Variants in LMX1A observed in about 807,000 individuals in gnomAD.
LMX1A encodes LIM homeobox transcription factor 1-alpha.
Under a neutral mutation model 49.1 loss-of-function variants are expected in LMX1A, and 15 were observed. That is an observed-to-expected ratio of 0.31 (90% CI 0.20 to 0.47). LMX1A has a LOEUF of 0.47. Ranked by LOEUF, LMX1A falls within the 20% of genes least tolerant of loss-of-function variation. The pLI is 1.00. For synonymous variants in LMX1A, 167 were observed against 185.7 expected (o/e 0.90, Z 0.82); for missense variants, 372 against 475.8 (o/e 0.78, Z 2.03).
intron 3 of LMX1A, among the ~76,000 whole-genome samples, chr1:165,329,583 A>C (rs1039056476): frequency 6.6e-6 from 1 of 152,096 alleles, no homozygotes; most frequent in African/African-American, 2.4e-5. Context: ...ATGTAGTTGA[A>C]GGCAGAGGCA....
At chr1:165,341,540 C>G (rs1656075677) in intron 3 of LMX1A, among the ~76,000 whole-genome samples, 1 of 151,772 alleles carries the variant, frequency 6.6e-6, no homozygotes, top group Non-Finnish European at 1.5e-5. Context: ...CAAGAAGTGT[C>G]TTCCTTCATA....
At chr1:165,292,843 G>A (rs1194892199) in intron 3 of LMX1A, among the ~76,000 whole-genome samples, 2 of 152,124 alleles carry the variant, frequency 1.3e-5, no homozygotes, top group Non-Finnish European at 2.9e-5. Context: ...TGGGGTCCAG[G>A]CGCGGTGGCT....
At chr1:165,281,846 C>A (rs189350325) in intron 3 of LMX1A, among the ~76,000 whole-genome samples, 14 of 152,084 alleles carry the variant, frequency 9.2e-5, no homozygotes, top group African/African-American at 3.4e-4. Flanking sequence ...AGTTACCTGT[C>A]GACTGACCAG....
intron 7 of LMX1A, chr1:165,207,561 G>C (rs945702811): frequency 2.0e-5 from 3 of 152,530 alleles, no homozygotes; most frequent in African/African-American, 7.2e-5. Flanking sequence ...TTCTCCACTC[G>C]CCTCCAGGAA....
chr1:165,249,066 G>C (rs959777025), intron 4 of LMX1A, among the ~76,000 whole-genome samples: 5 of 152,188 alleles, frequency 3.3e-5, no homozygotes, highest in African/African-American at 1.2e-4. Context: ...ACAGGCTGGA[G>C]CTAAGCTCAG....
intron 3 of LMX1A, among the ~76,000 whole-genome samples, chr1:165,326,999 A>G (rs1655604854): frequency 6.6e-6 from 1 of 152,168 alleles, no homozygotes; most frequent in Admixed American, 6.5e-5. Flanking sequence ...GTGCTGAGAC[A>G]GAGAAACCCT....
At chr1:165,223,448 G>C (rs1298270528) in intron 4 of LMX1A, among the ~76,000 whole-genome samples, 1 of 152,146 alleles carries the variant, frequency 6.6e-6, no homozygotes, top group Non-Finnish European at 1.5e-5. Context: ...AGGAGGAATG[G>C]ACAAGATCAA....
At position 165,306,172 on chromosome 1, in the gene LMX1A, A is replaced by G. The variant is rs556583438; in HGVS notation, c.263+46904T>C. On this transcript the variant is annotated intron_variant, in intron 3 of 8. Coordinates refer to ENST00000342310, the MANE Select transcript of LMX1A (RefSeq NM_177398.4). The stretch of plus-strand genomic sequence containing the variant: ...CCAACCTTCTTCCTCCCACCTGTTC[A>G]TCTAGTCTCCAGAGCTCAGGTTAAT... Among the ~76,000 whole-genome samples the G allele has an allele frequency of 5.3e-5, 8 of 152,242 alleles. No individual in the cohort carries two copies. In the East Asian group the frequency reaches 1.2e-3, roughly 22 times the overall value.
At chr1:165,280,071 T>C (rs1404912212) in intron 3 of LMX1A, among the ~76,000 whole-genome samples, 1 of 152,046 alleles carries the variant, frequency 6.6e-6, no homozygotes, top group Non-Finnish European at 1.5e-5. Context: ...CCGAGCAGGC[T>C]GAACCATGGC....
chr1:165,355,573 C>T lies in LMX1A; in HGVS notation c.-14G>A. ...GCCGTCCAGCATGTTCGGGCCGGGC[C>T]GGGAGGACCTGTAGAGGAGAAGAAA... is the stretch of plus-strand genomic sequence containing the variant. On this transcript the variant is annotated 5_prime_UTR_variant, in exon 2 of 9. Transcript: ENST00000342310. This position sits in a 1 kb window ranked among gnomAD's most constrained non-coding sequence, Gnocchi z 4.7. The T allele has an allele frequency of 6.2e-7, 1 of 1,612,944 alleles. No homozygotes were observed.
intron 3 of LMX1A, among the ~76,000 whole-genome samples, chr1:165,307,024 A>G (rs747465338): frequency 3.9e-5 from 6 of 152,242 alleles, no homozygotes; most frequent in Non-Finnish European, 7.3e-5. Context: ...GCATATGGGC[A>G]GTGGTAATGA....
chr1:165,265,070 G>A lies in LMX1A; in HGVS notation c.264-15430C>T, dbSNP rs183712385. Among the ~76,000 whole-genome samples, 391 of 152,166 alleles carry A rather than the reference G, an allele frequency of 2.6e-3. 1 individual carries two copies. The highest frequency in any genetic ancestry group is 8.7e-3 in the African/African-American group (362 of 41,542). On this transcript the variant is annotated intron_variant, in intron 3 of 8. Transcript: ENST00000342310. ...TGCAAAAAAATTAGCCGGGCATGGT[G>A]GCGGGCACCTGTAGTTCCGGCTACT...
At chr1:165,308,602 C>T (rs1413316446) in intron 3 of LMX1A, among the ~76,000 whole-genome samples, 3 of 152,214 alleles carry the variant, frequency 2.0e-5, no homozygotes, top group Non-Finnish European at 4.4e-5. Context: ...TTAGTCCTCA[C>T]AACGATTCTA....
At chr1:165,239,414 T>C (rs982837716) in intron 4 of LMX1A, among the ~76,000 whole-genome samples, 4 of 152,196 alleles carry the variant, frequency 2.6e-5, no homozygotes, top group Admixed American at 2.6e-4. Context: ...GACTCGGTAA[T>C]TGGTAGAATT....
intron 3 of LMX1A, among the ~76,000 whole-genome samples, chr1:165,283,982 T>C (rs554134464): frequency 1.3e-5 from 2 of 152,334 alleles, no homozygotes; most frequent in South Asian, 2.1e-4. Context: ...GAGGTAAAGA[T>C]ACAAACTCAT....
At chr1:165,275,114 A>G (rs1342172398) in intron 3 of LMX1A, among the ~76,000 whole-genome samples, 1 of 152,136 alleles carries the variant, frequency 6.6e-6, no homozygotes, top group Non-Finnish European at 1.5e-5. Context: ...AAGGAACCCT[A>G]TGGTTTCCAA....
chr1:165,247,054 C>CTTTTTTTTTTTTTTTTTTTTTT (rs71097567), intron 4 of LMX1A, among the ~76,000 whole-genome samples: 768 of 53,224 alleles, frequency 0.014, 254 homozygotes, highest in East Asian at 0.045. Context: ...TCAGCTTTTT[C>CTTTTTTTTTTTTTTTTTTTTTT]TTTTTTTTTT....
At chr1:165,308,096 G>GA (rs1457957715) in intron 3 of LMX1A, among the ~76,000 whole-genome samples, 1 of 152,148 alleles carries the variant, frequency 6.6e-6, no homozygotes, top group Non-Finnish European at 1.5e-5. Context: ...TAGTTTTGAG[G>GA]AAAAATCAGT....
At chr1:165,251,788 C>T (rs1254957119) in intron 3 of LMX1A, among the ~76,000 whole-genome samples, 1 of 152,060 alleles carries the variant, frequency 6.6e-6, no homozygotes, top group African/African-American at 2.4e-5. Flanking sequence ...CTGATCTGTG[C>T]CCCCTAGCCT....
Sources: allele counts gnomAD v4.1 joint callset (sites outside exome capture counted in the v4.1 genomes callset), GRCh38; gene constraint gnomAD v4.1.1; non-coding constraint Gnocchi (gnomAD v3.1); transcripts MANE v1.5; gene names NCBI Gene and HGNC (gene_info 2026-07-23, HGNC 2026-07-21).